Variants in TFAP2B observed in about 807,000 individuals in gnomAD.
The protein encoded by TFAP2B is transcription factor AP-2 beta.
In TFAP2B, 9 loss-of-function variants were observed where a neutral mutation model predicts 44.3. The observed-to-expected ratio is 0.20, with a 90% CI of 0.12 to 0.35. The LOEUF (loss-of-function observed/expected upper bound fraction) is 0.35, where lower values mean the gene tolerates loss of function less well. Ranked by LOEUF, TFAP2B falls within the 10% of genes least tolerant of loss-of-function variation. TFAP2B has a pLI of 1.00. For synonymous variants in TFAP2B, 270 were observed against 263.8 expected (o/e 1.02, Z -0.23); for missense variants, 509 against 600.0 (o/e 0.85, Z 1.59).
At position 50,818,899 on chromosome 6, in the gene TFAP2B, C is replaced by T. The variant is rs376735779; in HGVS notation, c.8C>T (p.Ser3Leu). The change falls in exon 1 of 7, where the codon TCA becomes TTA. Residue 3 changes from serine (S) to leucine (L), a missense_variant. Around this residue, in one of 3 missense-constraint regions of TFAP2B, gnomAD observed 296 missense variants for 308.2 expected, o/e 0.96. Transcript: ENST00000393655. ...CATCTGCTCCTCACATGAATGCACT[C>T]ACCTCCTAGAGACCAGGCTGCCATC... is the stretch of plus-strand genomic sequence containing the variant. MH[S>L]PPRDQAAIML... 1.2e-6 allele frequency: 2 copies of T among 1,614,054 alleles called. No individual in the cohort carries two copies. The highest frequency in any genetic ancestry group is 1.7e-6 in the Non-Finnish European group (2 of 1,179,982).
rs946137177 is a variant in TFAP2B at position 50,844,873 on chromosome 6, T to C, written c.*1481T>C. 6.6e-6 allele frequency: 1 copy of C among 152,330 alleles called. No homozygotes were observed. The highest frequency in any genetic ancestry group is 1.9e-4 in the East Asian group (1 of 5,178). 9.4% of individuals were successfully genotyped at this position (152,330 alleles called of 1,614,324 possible). ...AGATGCTTTATGAATGAGGCATTTT[T>C]CCCTCCCAGACGTGCACTTGTTTTG... On this transcript the variant is annotated 3_prime_UTR_variant, in exon 7 of 7. Coordinates refer to ENST00000393655, the MANE Select transcript of TFAP2B (RefSeq NM_003221.4).
At chr6:50,840,006 A>AT in intron 5 of TFAP2B, 150 bp from the exon 6 acceptor site, 1 of 1,066,332 alleles carries the variant, frequency 9.4e-7, no homozygotes, top group South Asian at 1.3e-5. Context: ...CTTGAGAATC[A>AT]TTTTTCCTTT....
chr6:50,824,646 C>T (rs1453872389), intron 2 of TFAP2B, among the ~76,000 whole-genome samples: 1 of 152,212 alleles, frequency 6.6e-6, no homozygotes. Flanking sequence ...ACACTCTTCT[C>T]TCCCCACTGC....
chr6:50,830,001 C>A (rs1380356009), intron 3 of TFAP2B, among the ~76,000 whole-genome samples: 1 of 152,060 alleles, frequency 6.6e-6, no homozygotes, highest in African/African-American at 2.4e-5. Context: ...GCTTTTAATG[C>A]CAGCTTTTGG....
Position 50,823,831 on chromosome 6 carries a change from A to C in TFAP2B, c.506A>C (p.His169Pro). Reference sequence around the variant, plus strand: ...GGCATGGGTGACAGCCTCTCGCTGCACGGCCTCGGCCATCCCGGAATGGAA... The same window carrying C: ...GGCATGGGTGACAGCCTCTCGCTGCCCGGCCTCGGCCATCCCGGAATGGAA... ...DAGMGDSLSLHGLGHPGMEDV... is the reference protein window; with the variant it reads ...DAGMGDSLSLPGLGHPGMEDV... Residue 169 changes from histidine to proline, a missense_variant, in exon 2 of 7, where the codon CAC (histidine) becomes CCC (proline). His to Pro is a moderately conservative substitution (Grantham distance 77). Coordinates refer to ENST00000393655, the MANE Select transcript of TFAP2B (RefSeq NM_003221.4). 1 of 1,565,068 alleles carries C rather than the reference A, an allele frequency of 6.4e-7. No homozygotes were observed.
rs118149476 is a variant in TFAP2B at position 50,833,172 on chromosome 6, G to A, written c.602-2889G>A. ...TCTCTGGGTTCCATGAGCAGGAACA[G>A]TGTGCTCATAATTACTAACAAATCA... On this transcript the variant is annotated intron_variant, in intron 3 of 6. Transcript: ENST00000393655. Among the ~76,000 whole-genome samples the A allele has an allele frequency of 2.4e-4, 36 of 152,330 alleles. No individual in the cohort carries two copies. The East Asian group carries it at 6.8e-3, about 29-fold the overall frequency.
intron 5 of TFAP2B, among the ~76,000 whole-genome samples, chr6:50,838,328 C>G (rs1050558803): frequency 6.6e-6 from 1 of 152,176 alleles, no homozygotes; most frequent in Non-Finnish European, 1.5e-5. Flanking sequence ...GAAAAGTGCT[C>G]AGGTCCAGCC....
At position 50,838,070 on chromosome 6, in the gene TFAP2B, C is replaced by G. The variant is rs1232197674; in HGVS notation, c.917C>G (p.Thr306Arg). Residue 306 changes from threonine to arginine, a missense_variant, in exon 5 of 7, where the codon ACG (threonine) becomes AGG (arginine). Coordinates refer to ENST00000393655, the MANE Select transcript of TFAP2B (RefSeq NM_003221.4). Reference protein sequence around the residue: ...PAGRRKAANVTLLTSLVEGEA... With the variant: ...PAGRRKAANVRLLTSLVEGEA... ...GGCAGGCGCAAAGCAGCAAATGTCA[C>G]GTTACTCACCTCCCTGGTGGAAGGT... The G allele has an allele frequency of 6.2e-7, 1 of 1,614,068 alleles. No individual in the cohort carries two copies. The highest frequency in any genetic ancestry group is 8.5e-7 in the Non-Finnish European group (1 of 1,179,900).
chr6:50,825,745 G>A (rs1770484851), intron 2 of TFAP2B, among the ~76,000 whole-genome samples: 1 of 152,128 alleles, frequency 6.6e-6, no homozygotes, highest in South Asian at 2.1e-4. Context: ...AAAAGCAGCA[G>A]GCAGCACACC....
rs762672184 is a variant in TFAP2B at position 50,836,294 on chromosome 6, GAAAAAC to G, written c.821+32_821+37del. 76 of 1,604,192 alleles carry G rather than the reference GAAAAAC, an allele frequency of 4.7e-5. No individual in the cohort carries two copies. Among genetic ancestry groups the G allele is most frequent in the Non-Finnish European group, 6.0e-5 (70 of 1,173,332 alleles). ...AGTCCTCAGAAGGTAACCCCACCAC[GAAAAAC>G]AAAAACAAAAACAAAAAAACAAACA... On this transcript the variant is annotated intron_variant, in intron 4 of 6. Transcript: ENST00000393655.
rs1031884390 is a variant in TFAP2B at position 50,838,240 on chromosome 6, G to A, written c.940+147G>A. 9.2e-6 allele frequency: 7 copies of A among 757,180 alleles called. No homozygotes were observed. The South Asian group carries it at 1.0e-4, about 11-fold the overall frequency. 46.9% of individuals were successfully genotyped at this position (757,180 alleles called of 1,614,324 possible). A position where few individuals can be genotyped will look rare whatever the true frequency, so the allele number is the denominator to read the frequency against. ...GATGTCAAGCGGCTTCTTGAGAGAG[G>A]TTCAAAGGTCCTTTTACTTAGAGGA... On this transcript the variant is annotated intron_variant, in intron 5 of 6. Coordinates refer to ENST00000393655, the MANE Select transcript of TFAP2B (RefSeq NM_003221.4).
intron 4 of TFAP2B, 106 bp from the exon 5 acceptor site, chr6:50,837,869 C>T (rs1054433513): frequency 3.0e-5 from 28 of 925,048 alleles, no homozygotes; most frequent in Admixed American, 1.2e-4. Context: ...GTGCTAACCT[C>T]AAGTTAAAAC....
intron 6 of TFAP2B, 123 bp downstream of exon 6, chr6:50,840,420 A>G (rs1762703400): frequency 4.7e-6 from 6 of 1,273,682 alleles, no homozygotes; most frequent in Non-Finnish European, 6.7e-6. Flanking sequence ...TAGCATTTGC[A>G]GCCTCTGGCA....
chr6:50,823,481 G>C lies in TFAP2B; in HGVS notation c.156G>C (p.Ser52=), dbSNP rs767312808. ...QLGSVSQGPY[S]SAPPLSHTPS... is the part of the protein sequence containing the mutation. ...GCTCGGTGTCCCAAGGACCCTACTCGAGCGCCCCGCCGCTGTCCCACACCC... is the reference window on the plus strand; with the variant it reads ...GCTCGGTGTCCCAAGGACCCTACTCCAGCGCCCCGCCGCTGTCCCACACCC... Residue 52 remains serine, a synonymous_variant, in exon 2 of 7, where the codon TCG becomes TCC. Transcript: ENST00000393655. The C allele has an allele frequency of 2.9e-5, 46 of 1,611,820 alleles. No homozygotes were observed. The highest frequency in any genetic ancestry group is 1.5e-4 in the Admixed American group (9 of 59,784).
chr6:50,826,035 T>C (rs1487857758), intron 2 of TFAP2B, among the ~76,000 whole-genome samples: 1 of 152,100 alleles, frequency 6.6e-6, no homozygotes, highest in Non-Finnish European at 1.5e-5. Flanking sequence ...CAGCCTCGAA[T>C]CCGAAGGCTT....
chr6:50,827,927 T>TTG (rs1305119995), intron 2 of TFAP2B, among the ~76,000 whole-genome samples: 4 of 152,102 alleles, frequency 2.6e-5, no homozygotes, highest in African/African-American at 9.7e-5. Flanking sequence ...ATCTAGACCT[T>TTG]TGTGTGTGTC....
chr6:50,821,917 C>T, intron 1 of TFAP2B: 1 of 288,226 alleles, frequency 3.5e-6, no homozygotes, highest in Non-Finnish European at 6.4e-6. Flanking sequence ...AAAAAGACAG[C>T]AAAGAGACAG....
chr6:50,821,991 ATT>A (rs60274376), intron 1 of TFAP2B: 14,622 of 214,318 alleles, frequency 0.068, 27 homozygotes, highest in South Asian at 0.087. Context: ...GGCGGGTGTA[ATT>A]TTTTTTTTTT....
chr6:50,834,516 T>C (rs1332367353), intron 3 of TFAP2B, among the ~76,000 whole-genome samples: 1 of 152,168 alleles, frequency 6.6e-6, no homozygotes, highest in Non-Finnish European at 1.5e-5. Flanking sequence ...CTAATGAAAT[T>C]CATAGTAAAT....
Sources: gnomAD v4.1 joint callset for allele counts (sites outside exome capture counted in the v4.1 genomes callset) on GRCh38, gnomAD v4.1.1 for gene constraint, gnomAD v4.1.1 regional missense constraint, MANE v1.5 for transcripts, NCBI Gene and HGNC (gene_info 2026-07-23, HGNC 2026-07-21) for gene names.